KCNJ16: variants seen among roughly 807,000 people sequenced by gnomAD.
KCNJ16 encodes potassium inwardly rectifying channel subfamily J member 16.
In KCNJ16, 15 loss-of-function variants were observed where a neutral mutation model predicts 18.5. The observed-to-expected ratio is 0.81, with a 90% confidence interval of 0.54 to 1.25. The LOEUF is 1.25. KCNJ16 is among the 50% of genes most tolerant of loss of function. The probability of loss-of-function intolerance (pLI) is 0.00; values close to 1 mark genes in which losing one functional copy is unlikely to be tolerated. For synonymous variants in KCNJ16, 174 were observed against 186.5 expected, an observed-to-expected ratio of 0.93 and a Z score of 0.55; for missense variants, 523 against 525.7, an observed-to-expected ratio of 0.99 and a Z score of 0.05.
chr17:70,121,686 T>C (rs566463916), intron 2 of KCNJ16, among the ~76,000 whole-genome samples: 1 of 152,082 alleles, frequency 6.6e-6, no homozygotes, highest in Non-Finnish European at 1.5e-5. Flanking sequence ...TCCGAGCACT[T>C]TGGGAGGCTG....
At chr17:70,077,252 T>C (rs2071355492) in intron 1 of KCNJ16, among the ~76,000 whole-genome samples, 1 of 152,184 alleles carries the variant, frequency 6.6e-6, no homozygotes, top group African/African-American at 2.4e-5. Context: ...GCTACAAGTG[T>C]CAGAGAAGGT....
chr17:70,118,817 C>G (rs907132373), intron 2 of KCNJ16, among the ~76,000 whole-genome samples: 1 of 152,110 alleles, frequency 6.6e-6, no homozygotes, highest in African/African-American at 2.4e-5. Flanking sequence ...TTATTCTGCC[C>G]TGGACCACCC....
At position 70,083,058 on chromosome 17, in the gene KCNJ16, T is replaced by C. The variant is rs1226367162; in HGVS notation, c.-300+7668T>C. On this transcript the variant is annotated intron_variant, in intron 1 of 3. Coordinates refer to ENST00000392671, the MANE Select transcript of KCNJ16 (RefSeq NM_170741.4). ...GAGAAGCAGAACTACTTGGACAACA[T>C]ATTTATCTATTATTGAGATGGAATC... Among the ~76,000 whole-genome samples, 6 of 151,860 alleles carry C rather than the reference T, an allele frequency of 4.0e-5. No homozygotes were observed. The East Asian group carries it at 1.2e-3, about 29-fold the overall frequency.
In KCNJ16 at chr17:70,133,178, C is replaced by T. The variant is rs747065295; in HGVS notation, c.1091C>T (p.Thr364Met). 19 of 1,614,184 alleles carry T rather than the reference C, an allele frequency of 1.2e-5. 1 individual carries two copies. The highest frequency in any genetic ancestry group is 5.0e-5 in the Admixed American group (3 of 60,022). ...EKAPPVRESC[T>M]SDTKARRRSF... ...GCACCACCAGTTCGAGAATCCTGCACGTCGGACACCAAGGCGAGACGAAGG... is the reference window on the plus strand; with the variant it reads ...GCACCACCAGTTCGAGAATCCTGCATGTCGGACACCAAGGCGAGACGAAGG... The change falls in exon 4 of 4, where the codon ACG becomes ATG. Residue 364 changes from threonine to methionine, a missense_variant. Transcript: ENST00000392671.
chr17:70,099,534 T>C (rs1183890151), intron 1 of KCNJ16, among the ~76,000 whole-genome samples: 4 of 152,018 alleles, frequency 2.6e-5, no homozygotes, highest in Non-Finnish European at 2.9e-5. Context: ...GAGGTCTTAG[T>C]CCACGAAAAC....
intron 2 of KCNJ16, among the ~76,000 whole-genome samples, chr17:70,117,327 G>T (rs940993822): frequency 6.6e-6 from 1 of 152,064 alleles, no homozygotes; most frequent in Non-Finnish European, 1.5e-5. Context: ...GGGCTTCAAG[G>T]TTTGGAAAAC....
chr17:70,121,331 C>G (rs1248850822), intron 2 of KCNJ16, among the ~76,000 whole-genome samples: 1 of 152,138 alleles, frequency 6.6e-6, no homozygotes, highest in Non-Finnish European at 1.5e-5. Flanking sequence ...CAATATGTAG[C>G]CGCAGACCTT....
chr17:70,132,711 A>T lies in KCNJ16; in HGVS notation c.624A>T (p.Pro208=), dbSNP rs777095279. ...CLMWRIGDFR[P]NHVVEGTVRA... The stretch of plus-strand genomic sequence containing the variant: ...TGTGGCGCATTGGTGATTTTCGGCC[A>T]AACCACGTGGTAGAAGGAACAGTTA... Residue 208 remains proline (P), a synonymous_variant, in exon 4 of 4, where the codon CCA becomes CCT. Coordinates refer to ENST00000392671, the MANE Select transcript of KCNJ16 (RefSeq NM_170741.4). The T allele has an allele frequency of 6.2e-7, 1 of 1,614,168 alleles. No homozygotes were observed. The highest frequency in any genetic ancestry group is 8.5e-7 in the Non-Finnish European group (1 of 1,180,028).
chr17:70,091,120 C>A (rs192414307), intron 1 of KCNJ16, among the ~76,000 whole-genome samples: 2 of 152,108 alleles, frequency 1.3e-5, no homozygotes, highest in African/African-American at 4.8e-5. Context: ...AAAGTGATAG[C>A]CCAATCTACC....
At chr17:70,095,870 C>CTCTTTTTTTTTTTTTTTT (rs1567784556) in intron 1 of KCNJ16, among the ~76,000 whole-genome samples, 2 of 95,402 alleles carry the variant, frequency 2.1e-5, no homozygotes, top group African/African-American at 8.2e-5. Flanking sequence ...TTACTTAATC[C>CTCTTTTTTTTTTTTTTTT]TTTTTTTTTT....
intron 2 of KCNJ16, chr17:70,128,779 C>T (rs908951741): frequency 2.0e-5 from 3 of 152,208 alleles, no homozygotes; most frequent in Admixed American, 2.0e-4. Flanking sequence ...GTTCGAACCC[C>T]AAGAGCGCGG....
At chr17:70,079,209 C>A (rs2071444217) in intron 1 of KCNJ16, among the ~76,000 whole-genome samples, 2 of 152,164 alleles carry the variant, frequency 1.3e-5, no homozygotes, top group African/African-American at 4.8e-5. Context: ...GAGTTCAAAT[C>A]TGCAGAGTAT....
intron 1 of KCNJ16, among the ~76,000 whole-genome samples, chr17:70,083,353 G>A (rs1458619362): frequency 6.7e-6 from 1 of 149,736 alleles, no homozygotes; most frequent in African/African-American, 2.5e-5. Context: ...CCTGTATTGT[G>A]TGTATGTATG....
intron 1 of KCNJ16, among the ~76,000 whole-genome samples, chr17:70,079,067 A>G (rs1302628232): frequency 1.3e-5 from 2 of 152,152 alleles, no homozygotes; most frequent in African/African-American, 2.4e-5. Flanking sequence ...GAAACAGGAT[A>G]CAGGAGAGCA....
chr17:70,097,376 A>G (rs1460623093), intron 1 of KCNJ16, among the ~76,000 whole-genome samples: 1 of 152,220 alleles, frequency 6.6e-6, no homozygotes, highest in African/African-American at 2.4e-5. Context: ...GGAACCAAGA[A>G]TGGAATGAGT....
In KCNJ16 at chr17:70,103,750, C is replaced by A. The variant is rs551411042; in HGVS notation, c.-191+2984C>A. On this transcript the variant is annotated intron_variant, in intron 2 of 3. Transcript: ENST00000392671. ...CTGAAATTCTCCCCTGAGCTCCAGA[C>A]TAATATATTGTCTCCTTGACATGTT... Among the ~76,000 whole-genome samples, 23 of 152,120 alleles carry A rather than the reference C, an allele frequency of 1.5e-4. No individual in the cohort carries two copies. In the East Asian group the frequency reaches 3.5e-3, roughly 23 times the overall value.
At chr17:70,113,173 C>T (rs2073259016) in intron 2 of KCNJ16, among the ~76,000 whole-genome samples, 1 of 152,208 alleles carries the variant, frequency 6.6e-6, no homozygotes, top group African/African-American at 2.4e-5. Flanking sequence ...CAACTTCCTT[C>T]ATTCGCCTAG....
intron 1 of KCNJ16, among the ~76,000 whole-genome samples, chr17:70,095,583 G>C (rs1257032133): frequency 6.6e-6 from 1 of 152,150 alleles, no homozygotes; most frequent in Non-Finnish European, 1.5e-5. Flanking sequence ...GTGAGTCTCT[G>C]GCAAACAAAA....
At chr17:70,113,283 T>C (rs189381939) in intron 2 of KCNJ16, among the ~76,000 whole-genome samples, 1 of 152,192 alleles carries the variant, frequency 6.6e-6, no homozygotes, top group African/African-American at 2.4e-5. Flanking sequence ...CTTTTGGATC[T>C]AGCAGCGTCT....
Sources: gnomAD v4.1 joint callset for allele counts (sites outside exome capture counted in the v4.1 genomes callset) on GRCh38, gnomAD v4.1.1 for gene constraint, MANE v1.5 for transcripts, NCBI Gene and HGNC (gene_info 2026-07-23, HGNC 2026-07-21) for gene names.